The following CASQ2 variants were observed in gnomAD, a reference collection of about 807,000 sequenced individuals.
The protein encoded by CASQ2 is calsequestrin-2.
A neutral mutation model predicts 46.5 loss-of-function variants in CASQ2; 49 were observed. The observed-to-expected ratio is 1.05, with a 90% CI of 0.84 to 1.34. The LOEUF (loss-of-function observed/expected upper bound fraction) is 1.34, where lower values mean the gene tolerates loss of function less well. Among genes scored for constraint, CASQ2 ranks in the 40% most tolerant of loss-of-function variants. The pLI is 0.00. For synonymous variants in CASQ2, 174 were observed against 168.5 expected (o/e 1.03, Z -0.25); for missense variants, 486 against 481.3 (o/e 1.01, Z -0.09).
chr1:115,705,843 T>C (rs1439504699), intron 8 of CASQ2, among the ~76,000 whole-genome samples: 3 of 151,348 alleles, frequency 2.0e-5, no homozygotes, highest in East Asian at 3.9e-4. Context: ...TTTCCTTGTA[T>C]ACTGGGCCCT....
intron 2 of CASQ2, 63 bp downstream of exon 2, chr1:115,744,765 T>A (rs1280846481): frequency 1.2e-5 from 13 of 1,103,246 alleles, no homozygotes; most frequent in Non-Finnish European, 1.8e-5. Flanking sequence ...GCAACTGTAC[T>A]TTTCCTTTTG....
chr1:115,711,155 C>T (rs745513047), intron 8 of CASQ2, among the ~76,000 whole-genome samples: 3 of 152,212 alleles, frequency 2.0e-5, no homozygotes, highest in Non-Finnish European at 2.9e-5. Flanking sequence ...TCCACAAAGG[C>T]ACGGAAAGGG....
Position 115,701,330 on chromosome 1 carries a change from T to C in CASQ2, c.1111A>G (p.Asn371Asp). 6.2e-7 allele frequency: 1 copy of C among 1,611,976 alleles called. No homozygotes were observed. Among genetic ancestry groups the C allele is most frequent in the Admixed American group, 1.7e-5 (1 of 60,012 alleles). Reference sequence around the variant, plus strand: ...TCATCTTCATCATCATCTTCAGTGTTTATCTTTCCAGAAAGCACATCCTCA... The same window carrying C: ...TCATCTTCATCATCATCTTCAGTGTCTATCTTTCCAGAAAGCACATCCTCA... ...WIEDVLSGKI[N>D]TEDDDEDDDD... The change falls in exon 11 of 11, where the codon AAC (asparagine) becomes GAC (aspartate). Residue 371 changes from asparagine to aspartate, a missense_variant. Transcript: ENST00000261448.
At chr1:115,705,162 G>A (rs1426425307) in intron 9 of CASQ2, 30 bp downstream of exon 9, 2 of 1,373,712 alleles carry the variant, frequency 1.5e-6, no homozygotes, top group East Asian at 4.6e-5. Context: ...GACAGCAACT[G>A]AGGGTGGGGC....
At chr1:115,710,412 C>T (rs748646935) in intron 8 of CASQ2, among the ~76,000 whole-genome samples, 16 of 152,314 alleles carry the variant, frequency 1.1e-4, no homozygotes, top group African/African-American at 3.4e-4. Context: ...TAAGTCTGCA[C>T]GTCTGGAGCC....
chr1:115,736,623 C>A (rs372516402), intron 4 of CASQ2, among the ~76,000 whole-genome samples: 2 of 152,014 alleles, frequency 1.3e-5, no homozygotes, highest in African/African-American at 4.8e-5. Context: ...GGCAACAGAG[C>A]AAAACTAGGT....
At chr1:115,753,003 C>A (rs898972604) in intron 1 of CASQ2, among the ~76,000 whole-genome samples, 3 of 151,884 alleles carry the variant, frequency 2.0e-5, no homozygotes, top group African/African-American at 7.3e-5. Flanking sequence ...GGAGAGAGAT[C>A]AAAGAAGAGG....
chr1:115,760,939 T>C (rs1176050388), intron 1 of CASQ2, among the ~76,000 whole-genome samples: 1 of 152,168 alleles, frequency 6.6e-6, no homozygotes, highest in Non-Finnish European at 1.5e-5. Context: ...AACCTGACTC[T>C]TTTATACCTT....
At chr1:115,702,219 G>A (rs748184929) in intron 10 of CASQ2, among the ~76,000 whole-genome samples, 1 of 151,542 alleles carries the variant, frequency 6.6e-6, no homozygotes, top group East Asian at 1.9e-4. Context: ...ACCACGCCTG[G>A]CTTGGCCCCC....
chr1:115,750,997 A>T (rs1298271362), intron 1 of CASQ2, among the ~76,000 whole-genome samples: 1 of 149,968 alleles, frequency 6.7e-6, no homozygotes, highest in Non-Finnish European at 1.5e-5. Flanking sequence ...TGTTAAGTGC[A>T]CAGGGCTTGG....
At chr1:115,735,877 G>A (rs1647936797) in intron 4 of CASQ2, among the ~76,000 whole-genome samples, 1 of 152,152 alleles carries the variant, frequency 6.6e-6, no homozygotes, top group African/African-American at 2.4e-5. Flanking sequence ...CAAAGAAAGA[G>A]CAGGCCGGAC....
At chr1:115,723,250 C>G (rs907019176) in intron 7 of CASQ2, among the ~76,000 whole-genome samples, 1 of 126,648 alleles carries the variant, frequency 7.9e-6, no homozygotes, top group Non-Finnish European at 1.7e-5. Context: ...AATTCTATCT[C>G]TCTATATCTA....
chr1:115,704,643 C>T lies in CASQ2; in HGVS notation c.939+549G>A, dbSNP rs116049871. Among the ~76,000 whole-genome samples the T allele has an allele frequency of 3.0e-3, 461 of 152,210 alleles. 1 individual carries two copies. Among genetic ancestry groups the T allele is most frequent in the African/African-American group, 0.01 (427 of 41,536 alleles). On this transcript the variant is annotated intron_variant, in intron 9 of 10. Transcript: ENST00000261448. ...AAAAACTAAGTATAATCAAAAGTTTCGGGCCATTGATCATGCACACTAGCA... is the reference window on the plus strand; with the variant it reads ...AAAAACTAAGTATAATCAAAAGTTTTGGGCCATTGATCATGCACACTAGCA...
chr1:115,740,534 G>A (rs1276917009), intron 3 of CASQ2, among the ~76,000 whole-genome samples, 194 bp downstream of exon 3: 1 of 152,110 alleles, frequency 6.6e-6, no homozygotes, highest in African/African-American at 2.4e-5. Flanking sequence ...CAGTTTCTAG[G>A]GTGGCTTAAA....
At chr1:115,755,724 C>T (rs955997326) in intron 1 of CASQ2, among the ~76,000 whole-genome samples, 1 of 152,226 alleles carries the variant, frequency 6.6e-6, no homozygotes, top group African/African-American at 2.4e-5. Context: ...AGCAGCCCTT[C>T]ACTCAGCACC....
intron 7 of CASQ2, 133 bp from the exon 8 acceptor site, chr1:115,718,027 G>A (rs1647225708): frequency 1.4e-6 from 1 of 735,268 alleles, no homozygotes; most frequent in African/African-American, 1.7e-5. Flanking sequence ...GATGAACACA[G>A]AAGCACAGAG....
chr1:115,751,085 C>G (rs1648563774), intron 1 of CASQ2, among the ~76,000 whole-genome samples: 1 of 152,212 alleles, frequency 6.6e-6, no homozygotes, highest in African/African-American at 2.4e-5. Context: ...ATACCAATAT[C>G]TATTCAATGG....
At position 115,738,590 on chromosome 1, in the gene CASQ2, T is replaced by C. The variant is rs112341847; in HGVS notation, c.421-255A>G. Among the ~76,000 whole-genome samples, 29 of 152,332 alleles carry C rather than the reference T, an allele frequency of 1.9e-4. 2 individuals are homozygous for C. The highest frequency in any genetic ancestry group is 6.7e-4 in the African/African-American group (28 of 41,578). On this transcript the variant is annotated intron_variant, in intron 3 of 10. Transcript: ENST00000261448. ...AGTTTTAGAAAACATTTATTTTTAA[T>C]TGTAGATTGACAAATTATAGTTGTA...
chr1:115,727,654 C>T (rs1252089917), intron 5 of CASQ2, among the ~76,000 whole-genome samples: 1 of 152,184 alleles, frequency 6.6e-6, no homozygotes, highest in Non-Finnish European at 1.5e-5. Context: ...TTAAATCTCT[C>T]AGTACCCAAC....
Sources: gnomAD v4.1 joint callset for allele counts (sites outside exome capture counted in the v4.1 genomes callset) on GRCh38, gnomAD v4.1.1 for gene constraint, MANE v1.5 for transcripts, NCBI Gene and HGNC (gene_info 2026-07-23, HGNC 2026-07-21) for gene names.